The following USP46 variants were observed in gnomAD, a reference collection of about 807,000 sequenced individuals.
The protein encoded by USP46 is ubiquitin carboxyl-terminal hydrolase 46.
In USP46, 12 loss-of-function variants were observed where a neutral mutation model predicts 44.4. The observed-to-expected ratio is 0.27, with a 90% confidence interval of 0.17 to 0.44. The LOEUF is 0.44. USP46 is among the 20% of genes least tolerant of loss of function. USP46 has a pLI of 1.00. For missense variants in USP46, 248 were observed against 444.8 expected, an observed-to-expected ratio of 0.56 and a Z score of 3.98; for synonymous variants, 155 against 161.5, an observed-to-expected ratio of 0.96 and a Z score of 0.31.
intron 1 of USP46, 58 bp from the exon 2 acceptor site, chr4:52,631,202 C>T: frequency 7.3e-7 from 1 of 1,377,956 alleles, no homozygotes; most frequent in Admixed American, 2.1e-5. Flanking sequence ...AAAGTAAAAT[C>T]ATACCTAAAA....
At chr4:52,625,590 G>C (rs1166398281) in intron 4 of USP46, among the ~76,000 whole-genome samples, 1 of 152,172 alleles carries the variant, frequency 6.6e-6, no homozygotes, top group Non-Finnish European at 1.5e-5. Context: ...GTTAACTGCT[G>C]TAAAAACAGG....
chr4:52,639,987 G>T (rs1157818351), intron 1 of USP46, among the ~76,000 whole-genome samples: 2 of 150,280 alleles, frequency 1.3e-5, no homozygotes, highest in Non-Finnish European at 2.9e-5. Context: ...TTACTGGTGT[G>T]AGCCATTGTG....
intron 4 of USP46, among the ~76,000 whole-genome samples, chr4:52,612,997 T>C (rs1483336343): frequency 1.3e-5 from 2 of 152,116 alleles, no homozygotes; most frequent in African/African-American, 4.8e-5. Context: ...TCCAGAAAAC[T>C]AGAAACTATA....
Position 52,597,304 on chromosome 4 carries a change from C to T in USP46, c.*336G>A. The stretch of plus-strand genomic sequence containing the variant: ...GGAAGCCATAGAAGTTTAGCAAACA[C>T]CTAAAACAGACCGTAGACATTCATA... On this transcript the variant is annotated 3_prime_UTR_variant, in exon 9 of 9. Coordinates refer to ENST00000441222, the MANE Select transcript of USP46 (RefSeq NM_022832.4). The T allele has an allele frequency of 4.2e-6, 1 of 237,180 alleles. No individual in the cohort carries two copies. The highest frequency in any genetic ancestry group is 5.8e-5 in the South Asian group (1 of 17,268). The allele number at this position is 237,180 out of a possible 1,614,324, so 14.7% of individuals were successfully genotyped here.
In USP46 at chr4:52,597,731, G is replaced by A. The variant is rs1356949591; in HGVS notation, c.1010C>T (p.Ala337Val). Residue 337 changes from alanine (A) to valine (V), a missense_variant, in exon 9 of 9, where the codon GCT becomes GTT. Coordinates refer to ENST00000441222, the MANE Select transcript of USP46 (RefSeq NM_022832.4). ...FDDDIVEKID[A>V]QAIEEFYGLT... ...GCCATAGAATTCTTCAATAGCTTGA[G>A]CATCTATTTTCTGCAATAAAGGAGA... 6.3e-7 allele frequency: 1 copy of A among 1,594,912 alleles called. No homozygotes were observed. Among genetic ancestry groups the A allele is most frequent in the Non-Finnish European group, 8.5e-7 (1 of 1,171,790 alleles).
In USP46 at chr4:52,597,462, A is replaced by C. The variant is rs114145054; in HGVS notation, c.*178T>G. 15 of 558,534 alleles carry C rather than the reference A, an allele frequency of 2.7e-5. No individual in the cohort carries two copies. Among genetic ancestry groups the C allele is most frequent in the Non-Finnish European group, 3.1e-5 (10 of 318,012 alleles). The allele number at this position is 558,534 out of a possible 1,614,324, so 34.6% of individuals were successfully genotyped here. ...TTAACTCTATGTCAGACTGAAATAA[A>C]ACCAAGAGTAGTGCTGCATGTAAAA... On this transcript the variant is annotated 3_prime_UTR_variant, in exon 9 of 9. Coordinates refer to ENST00000441222, the MANE Select transcript of USP46 (RefSeq NM_022832.4).
chr4:52,638,630 A>T (rs1402773290), intron 1 of USP46, among the ~76,000 whole-genome samples: 2 of 147,914 alleles, frequency 1.4e-5, no homozygotes, highest in Non-Finnish European at 3.0e-5. Flanking sequence ...TATATATAAT[A>T]TATATAATTT....
At chr4:52,607,955 G>C (rs1371322732) in intron 5 of USP46, among the ~76,000 whole-genome samples, 1 of 152,158 alleles carries the variant, frequency 6.6e-6, no homozygotes, top group Non-Finnish European at 1.5e-5. Context: ...TTTATTTATA[G>C]CAATGTGGGA....
chr4:52,652,110 C>G (rs1446488507), intron 1 of USP46, among the ~76,000 whole-genome samples: 1 of 152,172 alleles, frequency 6.6e-6, no homozygotes, highest in Non-Finnish European at 1.5e-5. Flanking sequence ...GAGTTGAAAA[C>G]AAACCAGCAT....
chr4:52,641,975 G>T (rs1718359564), intron 1 of USP46, among the ~76,000 whole-genome samples: 1 of 152,160 alleles, frequency 6.6e-6, no homozygotes, highest in African/African-American at 2.4e-5. Flanking sequence ...TCGTTCAAAA[G>T]GCTACTCTAC....
At chr4:52,632,878 AAAAG>A (rs1560405649) in intron 1 of USP46, among the ~76,000 whole-genome samples, 1 of 145,220 alleles carries the variant, frequency 6.9e-6, no homozygotes, top group African/African-American at 2.6e-5. Flanking sequence ...ACAGAGAAAG[AAAAG>A]GAAGGAAGGA....
intron 1 of USP46, among the ~76,000 whole-genome samples, chr4:52,658,902 C>T (rs1159647590): frequency 6.6e-6 from 1 of 151,004 alleles, no homozygotes; most frequent in African/African-American, 2.4e-5. Context: ...GTTCCGAGGT[C>T]CCGGGGCTGA....
intron 4 of USP46, among the ~76,000 whole-genome samples, chr4:52,620,416 G>T (rs545529753): frequency 1.8e-3 from 269 of 152,074 alleles, no homozygotes; most frequent in Non-Finnish European, 2.7e-3. Flanking sequence ...TCTTCTTCAC[G>T]GCATCTTGCA....
intron 4 of USP46, among the ~76,000 whole-genome samples, chr4:52,623,989 A>G (rs1423608855): frequency 6.6e-6 from 1 of 152,198 alleles, no homozygotes; most frequent in African/African-American, 2.4e-5. Flanking sequence ...CTGCCATTTT[A>G]CCATACATGT....
intron 4 of USP46, among the ~76,000 whole-genome samples, chr4:52,612,323 T>A (rs1051061947): frequency 2.0e-5 from 3 of 152,266 alleles, no homozygotes; most frequent in Non-Finnish European, 2.9e-5. Context: ...CCTGTTTTAA[T>A]TTTTTAATGA....
intron 4 of USP46, among the ~76,000 whole-genome samples, chr4:52,619,742 C>T (rs1717310769): frequency 1.3e-5 from 2 of 152,168 alleles, no homozygotes; most frequent in Admixed American, 1.3e-4. Context: ...GATTCCCTGC[C>T]TCTGGACGGG....
intron 5 of USP46, 105 bp from the exon 6 acceptor site, chr4:52,604,689 G>C (rs1365508043): frequency 5.5e-6 from 4 of 731,218 alleles, no homozygotes; most frequent in African/African-American, 1.8e-5. Context: ...AAGTAAAAAT[G>C]GAAGAAGAAG....
At chr4:52,638,545 C>T (rs1718207615) in intron 1 of USP46, among the ~76,000 whole-genome samples, 1 of 151,308 alleles carries the variant, frequency 6.6e-6, no homozygotes, top group Admixed American at 6.6e-5. Flanking sequence ...CCACTCATAG[C>T]ATCCTGTATG....
At chr4:52,623,630 A>G (rs567776074) in intron 4 of USP46, among the ~76,000 whole-genome samples, 57 of 152,350 alleles carry the variant, frequency 3.7e-4, no homozygotes, top group African/African-American at 1.3e-3. Flanking sequence ...AATTAAATAA[A>G]AACAAAAAGT....
Sources: allele counts gnomAD v4.1 joint callset (sites outside exome capture counted in the v4.1 genomes callset), GRCh38; gene constraint gnomAD v4.1.1; transcripts MANE v1.5; gene names NCBI Gene and HGNC (gene_info 2026-07-23, HGNC 2026-07-21).